The following FBXL13 variants were observed in gnomAD, a reference collection of about 807,000 sequenced individuals.
FBXL13 encodes the protein F-box and leucine rich repeat protein 13, also known as F-box and leucine-rich repeat protein 13.
Under a neutral mutation model 83.6 loss-of-function variants are expected in FBXL13, and 67 were observed. That is an observed-to-expected ratio of 0.80 (90% CI 0.66 to 0.98). The LOEUF is 0.98. Among genes scored for constraint, FBXL13 ranks in the 50% least tolerant of loss-of-function variants. The probability of loss-of-function intolerance (pLI) is 0.00; values close to 1 mark genes in which losing one functional copy is unlikely to be tolerated. For missense variants in FBXL13, 822 were observed against 866.5 expected (o/e 0.95, Z 0.64); for synonymous variants, 272 against 299.5 (o/e 0.91, Z 0.95).
At chr7:102,881,950 A>G (rs1262101410) in intron 14 of FBXL13, among the ~76,000 whole-genome samples, 2 of 152,150 alleles carry the variant, frequency 1.3e-5, no homozygotes, top group African/African-American at 4.8e-5. Context: ...TTTTAATAAC[A>G]GGCAACATAG....
chr7:102,954,492 C>G (rs950807568), intron 8 of FBXL13, among the ~76,000 whole-genome samples: 16 of 152,080 alleles, frequency 1.1e-4, no homozygotes, highest in Admixed American at 1.0e-3. Context: ...AATTAACAGG[C>G]AAAACAAACA....
At chr7:102,925,940 C>CAAA (rs66682276) in intron 10 of FBXL13, among the ~76,000 whole-genome samples, 1 of 101,024 alleles carries the variant, frequency 9.9e-6, no homozygotes, top group Non-Finnish European at 2.1e-5. Context: ...GACTCTGTCT[C>CAAA]AAAAAAAAAA....
rs528964425 is a variant in FBXL13, at chr7:103,022,240, A to T, written c.495+2823T>A. ...CAAATTATCACAAGGACAGAAAACC[A>T]AACACCGCATGTTCTTACTCATAGG... On this transcript the variant is annotated intron_variant, in intron 6 of 19. Coordinates refer to ENST00000313221, the Ensembl canonical transcript of FBXL13. Among the ~76,000 whole-genome samples, 4 of 152,012 alleles carry T rather than the reference A, an allele frequency of 2.6e-5. No individual in the cohort carries two copies. The South Asian group carries it at 8.3e-4, about 32-fold the overall frequency.
intron 8 of FBXL13, among the ~76,000 whole-genome samples, chr7:102,963,143 A>G (rs1403411478): frequency 6.6e-6 from 1 of 151,580 alleles, no homozygotes; most frequent in East Asian, 1.9e-4. Context: ...ACATGGTGAA[A>G]CCCTGTCTCT....
chr7:102,978,925 A>G (rs932514935), intron 6 of FBXL13, among the ~76,000 whole-genome samples: 3 of 152,224 alleles, frequency 2.0e-5, no homozygotes, highest in African/African-American at 7.2e-5. Context: ...AACGATCTCA[A>G]TACTTGATAG....
intron 11 of FBXL13, among the ~76,000 whole-genome samples, chr7:102,909,167 T>G (rs924857377): frequency 2.6e-5 from 4 of 152,182 alleles, no homozygotes; most frequent in African/African-American, 9.7e-5. Context: ...AACCTTACCC[T>G]GTAGCCACCG....
intron 8 of FBXL13, among the ~76,000 whole-genome samples, chr7:102,935,238 C>CT (rs1563116555): frequency 2.4e-5 from 2 of 84,468 alleles, no homozygotes; most frequent in African/African-American, 4.7e-5. Flanking sequence ...TTTTTTTTTT[C>CT]TTTCTTTTTT....
intron 2 of FBXL13, among the ~76,000 whole-genome samples, chr7:103,049,218 G>A (rs1027878344): frequency 6.6e-6 from 1 of 151,894 alleles, no homozygotes; most frequent in Non-Finnish European, 1.5e-5. Flanking sequence ...ATATCCCCAG[G>A]ACTTATTTAG....
intron 6 of FBXL13, among the ~76,000 whole-genome samples, chr7:103,003,278 GT>G (rs563726626): frequency 0.016 from 1,237 of 75,762 alleles, 6 homozygotes; most frequent in African/African-American, 0.065. Context: ...TTGTTTTGGG[GT>G]TTTTTTTTTT....
At chr7:102,889,911 C>T (rs1039880522) in intron 11 of FBXL13, among the ~76,000 whole-genome samples, 7 of 151,652 alleles carry the variant, frequency 4.6e-5, no homozygotes, top group Non-Finnish European at 8.8e-5. Flanking sequence ...AGAGGGAAAA[C>T]GATAGCAAAA....
At chr7:102,890,079 A>G (rs1043910346) in intron 11 of FBXL13, among the ~76,000 whole-genome samples, 1 of 152,164 alleles carries the variant, frequency 6.6e-6, no homozygotes, top group Non-Finnish European at 1.5e-5. Flanking sequence ...TACACAGTTT[A>G]CATTAGAATA....
chr7:103,017,727 A>T (rs1420090079), intron 6 of FBXL13, among the ~76,000 whole-genome samples: 1 of 152,230 alleles, frequency 6.6e-6, no homozygotes, highest in Admixed American at 6.5e-5. Context: ...GGTATCAGTG[A>T]TTGAAGATCA....
intron 11 of FBXL13, among the ~76,000 whole-genome samples, chr7:102,903,593 A>T (rs1044608515): frequency 6.6e-6 from 1 of 152,116 alleles, no homozygotes; most frequent in Admixed American, 6.5e-5. Context: ...TGTTTCTTCT[A>T]TCCCTAGTTT....
At chr7:102,975,919 C>T (rs766411938) in intron 6 of FBXL13, 8 of 763,562 alleles carry the variant, frequency 1.0e-5, no homozygotes, top group Non-Finnish European at 1.9e-5. Context: ...GGCCACAGCT[C>T]CACACAGAAG....
At chr7:103,069,732 A>T (rs1445315016) in intron 1 of FBXL13, among the ~76,000 whole-genome samples, 3 of 152,212 alleles carry the variant, frequency 2.0e-5, no homozygotes, top group Non-Finnish European at 4.4e-5. Context: ...AGAGTATATC[A>T]TCTGGAACTT....
chr7:102,811,675 C>T (rs77091779), downstream of FBXL13, among the ~76,000 whole-genome samples: 512 of 152,292 alleles, frequency 3.4e-3, 4 homozygotes, highest in African/African-American at 0.012. Flanking sequence ...TTTATAAGTT[C>T]CACCAGTTGT....
At chr7:102,879,117 G>T (rs905781743) in intron 14 of FBXL13, among the ~76,000 whole-genome samples, 2 of 152,104 alleles carry the variant, frequency 1.3e-5, no homozygotes, top group Admixed American at 6.5e-5. Context: ...TTCCAATTGA[G>T]AACCACCAGA....
chr7:103,017,373 G>GA (rs1486456069), intron 6 of FBXL13, among the ~76,000 whole-genome samples: 2 of 151,950 alleles, frequency 1.3e-5, no homozygotes, highest in Non-Finnish European at 2.9e-5. Flanking sequence ...CAAAGACGGG[G>GA]AAAAAACAGA....
intron 10 of FBXL13, among the ~76,000 whole-genome samples, chr7:102,925,097 T>A (rs847658): frequency 0.74 from 112,613 of 152,174 alleles, 42,796 homozygotes; most frequent in Middle Eastern, 0.83. Context: ...CTGGCCTTTC[T>A]GTAATGAAAA....
Sources: allele counts gnomAD v4.1 joint callset (sites outside exome capture counted in the v4.1 genomes callset), GRCh38; gene constraint gnomAD v4.1.1; transcripts MANE v1.5; gene names NCBI Gene and HGNC (gene_info 2026-07-23, HGNC 2026-07-21).